The following NTM variants were observed in gnomAD, a reference collection of about 807,000 sequenced individuals.
NTM encodes the protein neurotrimin, also known as IgLON family member 2.
NTM carries 13 observed loss-of-function variants against 42.1 expected under a neutral mutation model. That is an observed-to-expected ratio of 0.31 (90% confidence interval 0.20 to 0.49). The LOEUF (loss-of-function observed/expected upper bound fraction) is 0.49. Ranked by LOEUF, NTM falls within the 20% of genes least tolerant of loss-of-function variation. NTM has a pLI of 0.99. For synonymous variants in NTM, 187 were observed against 179.2 expected (o/e 1.04, Z -0.35); for missense variants, 373 against 452.8 (o/e 0.82, Z 1.60).
rs78622973 is a variant in NTM at position 132,331,484 on chromosome 11, A to AT, written c.967+1305dup. Among the ~76,000 whole-genome samples the AT allele has an allele frequency of 2.2e-3, 339 of 152,248 alleles. 5 individuals carry two copies. In the East Asian group the frequency reaches 0.032, roughly 14 times the overall value. On this transcript the variant is annotated intron_variant, in intron 8 of 8. Transcript: ENST00000683400. Reference sequence around the variant, plus strand: ...AAGGTATGAAAAAAGTTTTTGTTTTATTTTTTCTTCAAGTACAATTTTAAG... The same window carrying AT: ...AAGGTATGAAAAAAGTTTTTGTTTTATTTTTTTCTTCAAGTACAATTTTAAG...
chr11:132,032,013 G>T (rs2075986828), intron 2 of NTM, among the ~76,000 whole-genome samples: 1 of 151,672 alleles, frequency 6.6e-6, no homozygotes, highest in Admixed American at 6.6e-5. Context: ...TTAATTTATT[G>T]ATCAACTGAA....
chr11:131,549,935 T>A (rs1255081469), intron 1 of NTM, among the ~76,000 whole-genome samples: 3 of 152,232 alleles, frequency 2.0e-5, no homozygotes. Context: ...ATCTGTATTA[T>A]GCTAGTACAG....
intron 1 of NTM, among the ~76,000 whole-genome samples, chr11:131,789,538 AGAAGAAGAAAAGAAGAAGAAG>A (rs2090230135): frequency 3.4e-5 from 1 of 29,066 alleles, no homozygotes; most frequent in African/African-American, 2.0e-4. Context: ...AAGAAGAAGA[AGAAGAAGAAAAGAAGAAGAAG>A]AAGAAGAAGA....
intron 3 of NTM, among the ~76,000 whole-genome samples, chr11:132,154,524 G>T (rs529834487): frequency 8.7e-4 from 133 of 152,268 alleles, no homozygotes; most frequent in Non-Finnish European, 1.7e-3. Flanking sequence ...GTATAGTAAG[G>T]TGCATCTCTT....
intron 2 of NTM, among the ~76,000 whole-genome samples, chr11:132,090,014 G>T (rs997715582): frequency 6.6e-6 from 1 of 152,052 alleles, no homozygotes; most frequent in Admixed American, 6.5e-5. Context: ...CACTCTTCCA[G>T]ATGCTTTGTA....
At chr11:131,825,396 G>C (rs1471441398) in intron 1 of NTM, among the ~76,000 whole-genome samples, 1 of 151,972 alleles carries the variant, frequency 6.6e-6, no homozygotes, top group Non-Finnish European at 1.5e-5. Flanking sequence ...GGTGGTGGGG[G>C]GTGGGGACAA....
At chr11:131,489,467 C>T (rs953308475) in intron 1 of NTM, among the ~76,000 whole-genome samples, 6 of 152,226 alleles carry the variant, frequency 3.9e-5, no homozygotes, top group African/African-American at 9.6e-5. Flanking sequence ...ACTAACCTCT[C>T]GCTACTTTGC....
At chr11:131,789,471 AGAAGAAGAAGAAGAAGAAGAG>A (rs1565550263) in intron 1 of NTM, among the ~76,000 whole-genome samples, 169 of 13,944 alleles carry the variant, frequency 0.012, 48 homozygotes, top group Admixed American at 0.056. Flanking sequence ...AAGAAGAAGA[AGAAGAAGAAGAAGAAGAAGAG>A]GAAAGAAGAA....
chr11:131,789,630 A>C, intron 1 of NTM, among the ~76,000 whole-genome samples: 1 of 86,948 alleles, frequency 1.2e-5, no homozygotes, highest in Non-Finnish European at 2.4e-5. Context: ...AAGAAGAAGA[A>C]GAAGAAAAGA....
At chr11:131,858,003 C>T (rs2046270054) in intron 1 of NTM, among the ~76,000 whole-genome samples, 1 of 151,792 alleles carries the variant, frequency 6.6e-6, no homozygotes, top group Admixed American at 6.6e-5. Context: ...CTTCATACCC[C>T]TCTCTCTGCC....
intron 4 of NTM, among the ~76,000 whole-genome samples, chr11:132,251,655 G>A (rs533835030): frequency 6.6e-6 from 1 of 152,198 alleles, no homozygotes; most frequent in Non-Finnish European, 1.5e-5. Context: ...CAATATCCTT[G>A]GATGCGAAAT....
At chr11:131,770,621 G>T (rs1014192671) in intron 1 of NTM, among the ~76,000 whole-genome samples, 3 of 152,198 alleles carry the variant, frequency 2.0e-5, no homozygotes, top group Admixed American at 6.5e-5. Context: ...TCAACAGTCT[G>T]TTGATGAAGA....
chr11:131,615,431 T>C (rs541242863), intron 1 of NTM, among the ~76,000 whole-genome samples: 1 of 152,228 alleles, frequency 6.6e-6, no homozygotes, highest in South Asian at 2.1e-4. Flanking sequence ...AGTGGTGCAA[T>C]CTCGGTTCAC....
At chr11:131,784,780 G>A (rs531908077) in intron 1 of NTM, among the ~76,000 whole-genome samples, 1 of 152,238 alleles carries the variant, frequency 6.6e-6, no homozygotes, top group African/African-American at 2.4e-5. Flanking sequence ...CCTTAATAAA[G>A]TTGGTTAGAG....
At chr11:131,988,890 C>T (rs932706761) in intron 2 of NTM, among the ~76,000 whole-genome samples, 6 of 151,932 alleles carry the variant, frequency 3.9e-5, no homozygotes, top group Non-Finnish European at 8.8e-5. Flanking sequence ...TTATTTTAAG[C>T]CTATAGTAGT....
intron 4 of NTM, among the ~76,000 whole-genome samples, chr11:132,220,607 A>G (rs1216116194): frequency 6.6e-6 from 1 of 152,160 alleles, no homozygotes; most frequent in Non-Finnish European, 1.5e-5. Flanking sequence ...TACCACAGAC[A>G]CTGTTTGTGG....
intron 1 of NTM, among the ~76,000 whole-genome samples, chr11:131,748,512 C>A (rs942571687): frequency 6.6e-6 from 1 of 152,208 alleles, no homozygotes; most frequent in Admixed American, 6.5e-5. Flanking sequence ...TCTATTCATT[C>A]TCCTTTAATG....
chr11:132,328,913 C>A (rs994379909), intron 7 of NTM, among the ~76,000 whole-genome samples: 2 of 152,160 alleles, frequency 1.3e-5, no homozygotes, highest in African/African-American at 4.8e-5. Context: ...TCACCCCTGG[C>A]TTTTCCCTAC....
chr11:132,223,041 C>T (rs563158330), intron 4 of NTM, among the ~76,000 whole-genome samples: 18 of 152,244 alleles, frequency 1.2e-4, no homozygotes, highest in Middle Eastern at 3.4e-3. Flanking sequence ...TTATTTATTT[C>T]GACACACACC....
Sources: gnomAD v4.1 joint callset for allele counts (sites outside exome capture counted in the v4.1 genomes callset) on GRCh38, gnomAD v4.1.1 for gene constraint, MANE v1.5 for transcripts, NCBI Gene and HGNC (gene_info 2026-07-23, HGNC 2026-07-21) for gene names.